Variants in EGR2 observed in about 807,000 individuals in gnomAD.
EGR2 encodes the protein E3 SUMO-protein ligase EGR2.
A neutral mutation model predicts 21.2 loss-of-function variants in EGR2; 2 were observed. The ratio of observed to expected loss-of-function variants is 0.09; its 90% confidence interval spans 0.04 to 0.30. EGR2 has a LOEUF of 0.30. Ranked by LOEUF, EGR2 falls within the 10% of genes least tolerant of loss-of-function variation. The probability of loss-of-function intolerance (pLI) is 1.00; values close to 1 mark genes in which losing one functional copy is unlikely to be tolerated. For missense variants in EGR2, 458 were observed against 630.2 expected (o/e 0.73, Z 2.93); for synonymous variants, 282 against 258.2 (o/e 1.09, Z -0.88).
At chr10:62,818,833 C>T (rs1838318099), upstream of EGR2, among the ~76,000 whole-genome samples, 1 of 152,084 alleles carries the variant, frequency 6.6e-6, no homozygotes, top group Non-Finnish European at 1.5e-5. Flanking sequence ...GCGAGTTGCC[C>T]GGGCCGCCCC....
Position 62,816,146 on chromosome 10 carries a change from T to C in EGR2, c.-117A>G. ...GGTATCTCCTTTTGCCCTCCACACT[T>C]AAAAACAACCACCACACACACCAAG... On this transcript the variant is annotated 5_prime_UTR_variant, in exon 1 of 2. Transcript: ENST00000242480. 6.3e-7 allele frequency: 1 copy of C among 1,598,360 alleles called. No individual in the cohort carries two copies. Among genetic ancestry groups the C allele is most frequent in the Non-Finnish European group, 8.5e-7 (1 of 1,171,902 alleles).
At chr10:62,818,475 C>T (rs1484061593), upstream of EGR2, 25 of 985,476 alleles carry the variant, frequency 2.5e-5, no homozygotes, top group Non-Finnish European at 3.3e-5. Flanking sequence ...CAAAAATGTG[C>T]AAAGTCCTAT....
In EGR2 at chr10:62,816,087, C is replaced by T. The variant is rs1842261180; in HGVS notation, c.-58G>A. ...CTCGCTACCTGGAGTGTCAGAAAAG[C>T]CGTTTTGGAGAGGGGTTGGACTGAG... is the stretch of plus-strand genomic sequence containing the variant. On this transcript the variant is annotated 5_prime_UTR_variant, in exon 1 of 2. Coordinates refer to ENST00000242480, the MANE Select transcript of EGR2 (RefSeq NM_000399.5). The T allele has an allele frequency of 6.2e-7, 1 of 1,613,538 alleles. No homozygotes were observed. The highest frequency in any genetic ancestry group is 1.7e-5 in the Admixed American group (1 of 60,002).
chr10:62,817,536 A>AC, upstream of EGR2, among the ~76,000 whole-genome samples: 1 of 150,364 alleles, frequency 6.7e-6, no homozygotes, highest in East Asian at 1.9e-4. This position sits in a 1 kb window ranked among gnomAD's most constrained non-coding sequence, Gnocchi z 4.4. Flanking sequence ...AATCCCCCTG[A>AC]CCCCCATAGC....
Position 62,816,117 on chromosome 10 carries a change from G to A in EGR2, c.-88C>T. ...TTGGAGAGGGGTTGGACTGAGCCTG[G>A]GATGGTATCTCCTTTTGCCCTCCAC... On this transcript the variant is annotated 5_prime_UTR_variant, in exon 1 of 2. Coordinates refer to ENST00000242480, the MANE Select transcript of EGR2 (RefSeq NM_000399.5). 6.2e-7 allele frequency: 1 copy of A among 1,611,716 alleles called. No homozygotes were observed. The highest frequency in any genetic ancestry group is 8.5e-7 in the Non-Finnish European group (1 of 1,179,568).
Position 62,816,165 on chromosome 10 carries a change from C to T in EGR2, c.-136G>A. The stretch of plus-strand genomic sequence containing the variant: ...CACACTTAAAAACAACCACCACACA[C>T]ACCAAGAAAAAAAAATCAACAGAAA... On this transcript the variant is annotated 5_prime_UTR_variant, in exon 1 of 2. The change creates a new upstream start codon in the 5' untranslated region. Coordinates refer to ENST00000242480, the MANE Select transcript of EGR2 (RefSeq NM_000399.5). The T allele has an allele frequency of 2.6e-6, 4 of 1,554,232 alleles. No homozygotes were observed. Among genetic ancestry groups the T allele is most frequent in the South Asian group, 2.4e-5 (2 of 85,006 alleles).
Position 62,816,006 on chromosome 10 carries a change from G to A in EGR2, c.24C>T (p.Asp8=). 1 of 1,614,184 alleles carries A rather than the reference G, an allele frequency of 6.2e-7. No homozygotes were observed. The highest frequency in any genetic ancestry group is 2.2e-5 in the East Asian group (1 of 44,886). Residue 8 remains aspartate (D), a synonymous_variant, in exon 1 of 2, where the codon GAC becomes GAT. Transcript: ENST00000242480. MMTAKAV[D]KIPVTLSGFV... ...AACCACTGAGAGTTACTGGGATTTT[G>A]TCTACGGCCTTGGCGGTCATCATTT...
At position 62,813,784 on chromosome 10, in the gene EGR2, G is replaced by C. The variant is rs1181205792; in HGVS notation, c.854C>G (p.Ala285Gly). The change falls in exon 2 of 2, where the codon GCC becomes GGC. Residue 285 changes from alanine (A) to glycine (G), a missense_variant. Physicochemically the swap from Ala to Gly is moderately conservative, Grantham distance 60. Around this residue, in one of 5 missense-constraint regions of EGR2, gnomAD observed 253 missense variants for 315.5 expected, o/e 0.80. Transcript: ENST00000242480. This position sits in a 1 kb window ranked among gnomAD's most constrained non-coding sequence, Gnocchi z 5.7. ...CCGGGGTCCCTCGCTGCCTCCACTG[G>C]CCCCTGGTCCGGTCACCCCAGCACT... ...GPSAGVTGPG[A>G]SGGSEGPRLP... is the part of the protein sequence containing the mutation. 6.2e-7 allele frequency: 1 copy of C among 1,613,088 alleles called. No individual in the cohort carries two copies. The highest frequency in any genetic ancestry group is 1.3e-5 in the African/African-American group (1 of 75,036).
At chr10:62,817,086 T>C (rs894095176), upstream of EGR2, among the ~76,000 whole-genome samples, 15 of 152,164 alleles carry the variant, frequency 9.9e-5, no homozygotes, top group African/African-American at 1.4e-4. This position sits in a 1 kb window ranked among gnomAD's most constrained non-coding sequence, Gnocchi z 4.4. Flanking sequence ...ACCTTGGGAC[T>C]GGGAGGGTAA....
In EGR2 at chr10:62,813,616, G is replaced by T. The variant is rs1131691827; in HGVS notation, c.1022C>A (p.Pro341Gln). The T allele has an allele frequency of 1.2e-6, 2 of 1,612,974 alleles. No individual in the cohort carries two copies. Among genetic ancestry groups the T allele is most frequent in the Non-Finnish European group, 8.5e-7 (1 of 1,180,030 alleles). The change falls in exon 2 of 2, where the codon CCG (proline) becomes CAG (glutamine). Residue 341 changes from proline (P) to glutamine (Q), a missense_variant. Pro to Gln is a moderately conservative substitution (Grantham distance 76). This residue lies in a region of EGR2 where 253 missense variants were observed against 315.5 expected (regional missense o/e 0.80). Coordinates refer to ENST00000242480, the MANE Select transcript of EGR2 (RefSeq NM_000399.5). The surrounding 1 kb of genome is among the most constrained non-coding windows in gnomAD (Gnocchi z 5.7). ...CCGGTCGCAGCCTTCTGCTGGGCAC[G>T]GGTAGGGCCTCTCGTGCACCGGCGT... ...SKTPVHERPYPCPAEGCDRRF... is the reference protein window; with the variant it reads ...SKTPVHERPYQCPAEGCDRRF...
chr10:62,817,952 C>G (rs911982360), upstream of EGR2, among the ~76,000 whole-genome samples: 2 of 152,010 alleles, frequency 1.3e-5, no homozygotes, highest in Non-Finnish European at 1.5e-5. The surrounding 1 kb of genome is among the most constrained non-coding windows in gnomAD (Gnocchi z 4.4). Context: ...CATTCATGGT[C>G]GTTTGTGCAG....
intron 1 of EGR2, among the ~76,000 whole-genome samples, chr10:62,815,152 G>C (rs1842228246): frequency 1.3e-5 from 2 of 152,256 alleles, no homozygotes; most frequent in Admixed American, 1.3e-4. Context: ...CCTCGAGGAA[G>C]GCGCGGGGGC....
chr10:62,813,149 C>T lies in EGR2; in HGVS notation c.*58G>A. 7 of 1,498,614 alleles carry T rather than the reference C, an allele frequency of 4.7e-6. No individual in the cohort carries two copies. The highest frequency in any genetic ancestry group is 2.2e-5 in the Admixed American group (1 of 44,904). The allele number at this position is 1,498,614 out of a possible 1,614,324, so 92.8% of individuals were successfully genotyped here. ...GGTGGTAGTGTTTGTTGTGCAGCTC[C>T]AGTGGACAAAGGGCCTCCGGGACCT... On this transcript the variant is annotated 3_prime_UTR_variant, in exon 2 of 2. Transcript: ENST00000242480. This position sits in a 1 kb window ranked among gnomAD's most constrained non-coding sequence, Gnocchi z 5.7.
chr10:62,815,232 G>C (rs998479961), intron 1 of EGR2, among the ~76,000 whole-genome samples: 2 of 152,198 alleles, frequency 1.3e-5, no homozygotes, highest in Non-Finnish European at 2.9e-5. Flanking sequence ...GGCCTCCCTC[G>C]GCAGTCCGGG....
chr10:62,815,901 T>C lies in EGR2; in HGVS notation c.129A>G (p.Glu43=), dbSNP rs1023788893. 1.2e-6 allele frequency: 2 copies of C among 1,614,172 alleles called. No homozygotes were observed. The highest frequency in any genetic ancestry group is 1.6e-4 in the Middle Eastern group (1 of 6,062). The change falls in exon 1 of 2, where the codon GAA becomes GAG. Residue 43 remains glutamate, a synonymous_variant. Transcript: ENST00000242480. The part of the protein sequence containing the change: ...ATSVTIFPNA[E]LGGPFDQMNG... ...TCATCTGGTCAAAGGGGCCTCCCAG[T>C]TCGGCATTGGGAAAGATGGTCACCG...
rs1244398158 is a variant in EGR2 at position 62,812,634 on chromosome 10, G to A, written c.*573C>T. 1 of 152,810 alleles carries A rather than the reference G, an allele frequency of 6.5e-6. No individual in the cohort carries two copies. Among genetic ancestry groups the A allele is most frequent in the East Asian group, 1.9e-4 (1 of 5,342 alleles). The allele number at this position is 152,810 out of a possible 1,614,324, so 9.5% of individuals were successfully genotyped here. On this transcript the variant is annotated 3_prime_UTR_variant, in exon 2 of 2. Transcript: ENST00000242480. ...GTTTATAATACATATTGCTTCAAGG[G>A]TTGAGACAACTAGATATGCTCTGAT...
chr10:62,816,630 C>T (rs1842278544), upstream of EGR2, among the ~76,000 whole-genome samples: 1 of 152,184 alleles, frequency 6.6e-6, no homozygotes, highest in South Asian at 2.1e-4. Context: ...AGAGGGCGCG[C>T]CATGGACCCA....
chr10:62,813,376 A>T lies in EGR2; in HGVS notation c.1262T>A (p.Leu421Gln). The change falls in exon 2 of 2, where the codon CTG (leucine) becomes CAG (glutamine). Residue 421 changes from leucine (L) to glutamine (Q), a missense_variant. By Grantham distance (113) the Leu-to-Gln change is moderately radical (BLOSUM62 -2). Coordinates refer to ENST00000242480, the MANE Select transcript of EGR2 (RefSeq NM_000399.5). This position sits in a 1 kb window ranked among gnomAD's most constrained non-coding sequence, Gnocchi z 5.7. ...ACTGCTTTTCCGCTCTTTCTGTCTC[A>T]GGTGGATCTTGGTGTGGCGCTTCCT... The part of the protein sequence containing the change: ...DERKRHTKIH[L>Q]RQKERKSSAP... 1 of 1,610,542 alleles carries T rather than the reference A, an allele frequency of 6.2e-7. No individual in the cohort carries two copies. Among genetic ancestry groups the T allele is most frequent in the Non-Finnish European group, 8.5e-7 (1 of 1,177,188 alleles).
Position 62,813,636 on chromosome 10 carries a change from C to T in EGR2, c.1002G>A (p.Pro334=), listed in dbSNP as rs771108987. The stretch of plus-strand genomic sequence containing the variant: ...GGCACGGGTAGGGCCTCTCGTGCAC[C>T]GGCGTCTTGCTGGGTCTGTTGGGGT... ...RKYPNRPSKT[P]VHERPYPCPA... The change falls in exon 2 of 2, where the codon CCG becomes CCA. Residue 334 remains proline, a synonymous_variant. Coordinates refer to ENST00000242480, the MANE Select transcript of EGR2 (RefSeq NM_000399.5). The surrounding 1 kb of genome is among the most constrained non-coding windows in gnomAD (Gnocchi z 5.7). The T allele has an allele frequency of 7.4e-6, 12 of 1,612,970 alleles. No homozygotes were observed. The East Asian group carries it at 1.1e-4, about 15-fold the overall frequency.
Sources: allele counts gnomAD v4.1 joint callset (sites outside exome capture counted in the v4.1 genomes callset), GRCh38; gene constraint gnomAD v4.1.1; regional missense constraint gnomAD v4.1.1; non-coding constraint Gnocchi (gnomAD v3.1); transcripts MANE v1.5; gene names NCBI Gene and HGNC (gene_info 2026-07-23, HGNC 2026-07-21).